UGGT2: variants seen among roughly 807,000 people sequenced by gnomAD.
The protein encoded by UGGT2 is UDP-glucose:glycoprotein glucosyltransferase 2.
Under a neutral mutation model 192.1 loss-of-function variants are expected in UGGT2, and 180 were observed. That is an observed-to-expected ratio of 0.94 (90% confidence interval 0.83 to 1.06). The LOEUF (loss-of-function observed/expected upper bound fraction) is 1.06, where lower values mean the gene tolerates loss of function less well. Among genes scored for constraint, UGGT2 ranks in the 50% least tolerant of loss-of-function variants. The probability of loss-of-function intolerance (pLI) is 0.00; values close to 1 mark genes in which losing one functional copy is unlikely to be tolerated. For missense variants in UGGT2, 1,849 were observed against 1,795.7 expected (o/e 1.03, Z -0.54); for synonymous variants, 580 against 591.0 (o/e 0.98, Z 0.27).
At chr13:96,007,303 A>C (rs1403917257) in intron 5 of UGGT2, among the ~76,000 whole-genome samples, 1 of 152,178 alleles carries the variant, frequency 6.6e-6, no homozygotes, top group African/African-American at 2.4e-5. Flanking sequence ...ACATACCTCA[A>C]AATAATTAAG....
intron 27 of UGGT2, among the ~76,000 whole-genome samples, chr13:95,880,817 T>G (rs1161556705): frequency 6.6e-6 from 1 of 152,158 alleles, no homozygotes; most frequent in Non-Finnish European, 1.5e-5. Context: ...TTACTAAGGT[T>G]AATCTCTACT....
chr13:95,970,844 TGAGGCGACTATTCA>T (rs2050750449), intron 11 of UGGT2, among the ~76,000 whole-genome samples: 1 of 152,240 alleles, frequency 6.6e-6, no homozygotes, highest in Admixed American at 6.5e-5. Context: ...AGTCTGTGGC[TGAGGCGACTATTCA>T]GAGGCAAAAA....
At chr13:95,827,279 A>C (rs1886145561) in intron 38 of UGGT2, among the ~76,000 whole-genome samples, 1 of 152,154 alleles carries the variant, frequency 6.6e-6, no homozygotes, top group Admixed American at 6.5e-5. Context: ...AAGAATTCTA[A>C]CTTCTGGTAT....
At chr13:95,810,040 T>G (rs1375739195) in intron 38 of UGGT2, among the ~76,000 whole-genome samples, 1 of 152,182 alleles carries the variant, frequency 6.6e-6, no homozygotes, top group Non-Finnish European at 1.5e-5. Flanking sequence ...TTTCATTTCT[T>G]TTTTCAATGG....
At chr13:96,011,857 AG>A (rs1281569705) in intron 5 of UGGT2, among the ~76,000 whole-genome samples, 2 of 152,118 alleles carry the variant, frequency 1.3e-5, no homozygotes, top group Non-Finnish European at 2.9e-5. Context: ...TAGAAGGCAA[AG>A]CTCAATATAT....
At chr13:95,866,191 C>T (rs560004679) in intron 30 of UGGT2, among the ~76,000 whole-genome samples, 3 of 152,202 alleles carry the variant, frequency 2.0e-5, no homozygotes, top group African/African-American at 7.2e-5. Flanking sequence ...TATTGTATTA[C>T]TCAGTTTCCA....
chr13:95,832,910 A>T lies in UGGT2; in HGVS notation c.4528+17T>A. Reference sequence around the variant, plus strand: ...TGCAACGCATGTTTCAGACATCACAACACGTTGATGACTTACTTGTATCTT... The same window carrying T: ...TGCAACGCATGTTTCAGACATCACATCACGTTGATGACTTACTTGTATCTT... On this transcript the variant is annotated intron_variant, in intron 38 of 38. Coordinates refer to ENST00000376747, the MANE Select transcript of UGGT2 (RefSeq NM_020121.4). 6.2e-7 allele frequency: 1 copy of T among 1,611,002 alleles called. No homozygotes were observed. Among genetic ancestry groups the T allele is most frequent in the Non-Finnish European group, 8.5e-7 (1 of 1,178,160 alleles).
intron 38 of UGGT2, among the ~76,000 whole-genome samples, chr13:95,808,436 T>A (rs1464242480): frequency 6.6e-6 from 1 of 152,030 alleles, no homozygotes; most frequent in Non-Finnish European, 1.5e-5. Flanking sequence ...AACAGGGAAA[T>A]TTCATCTTCA....
At chr13:95,951,577 TG>T (rs908134993) in intron 12 of UGGT2, among the ~76,000 whole-genome samples, 1 of 152,208 alleles carries the variant, frequency 6.6e-6, no homozygotes, top group African/African-American at 2.4e-5. Context: ...TAAAAGCAAG[TG>T]TGCCTAGACA....
intron 33 of UGGT2, 29 bp downstream of exon 33, chr13:95,859,561 AC>A (rs753038182): frequency 8.7e-6 from 13 of 1,495,232 alleles, no homozygotes; most frequent in Non-Finnish European, 1.2e-5. Context: ...TCAAACATTA[AC>A]CATTCTACAA....
At chr13:95,813,036 A>G (rs911431648) in intron 38 of UGGT2, among the ~76,000 whole-genome samples, 1 of 116,040 alleles carries the variant, frequency 8.6e-6, no homozygotes, top group African/African-American at 3.3e-5. Context: ...CATGAACCAT[A>G]AATCTCTTTA....
chr13:95,821,478 A>G (rs1885507726), intron 38 of UGGT2, among the ~76,000 whole-genome samples: 1 of 152,104 alleles, frequency 6.6e-6, no homozygotes, highest in African/African-American at 2.4e-5. Flanking sequence ...TCTGGATACT[A>G]GTCCTTTGTT....
intron 38 of UGGT2, among the ~76,000 whole-genome samples, chr13:95,829,815 T>C (rs1886464975): frequency 6.6e-6 from 1 of 152,210 alleles, no homozygotes; most frequent in South Asian, 2.1e-4. Context: ...ACAGCCTGCA[T>C]TGCCAAGACA....
chr13:95,886,347 A>C (rs1334360980), intron 26 of UGGT2, among the ~76,000 whole-genome samples: 1 of 152,228 alleles, frequency 6.6e-6, no homozygotes, highest in Middle Eastern at 3.2e-3. Context: ...TTGAACTACT[A>C]GTTAAAAAAA....
intron 17 of UGGT2, among the ~76,000 whole-genome samples, chr13:95,935,310 GTT>G (rs963475679): frequency 6.6e-6 from 1 of 152,160 alleles, no homozygotes; most frequent in Non-Finnish European, 1.5e-5. Context: ...ACTTAAGTGT[GTT>G]TTTGTACCAT....
At chr13:95,806,004 G>A (rs1275007306) in intron 38 of UGGT2, among the ~76,000 whole-genome samples, 1 of 131,968 alleles carries the variant, frequency 7.6e-6, no homozygotes, top group Non-Finnish European at 1.6e-5. Flanking sequence ...ATCTTGGACA[G>A]AGAGAACAGA....
intron 38 of UGGT2, among the ~76,000 whole-genome samples, chr13:95,825,633 T>G (rs1885959159): frequency 6.6e-6 from 1 of 152,140 alleles, no homozygotes; most frequent in South Asian, 2.1e-4. Context: ...TCAGCCACAC[T>G]GAGCTCCTGT....
intron 16 of UGGT2, among the ~76,000 whole-genome samples, chr13:95,938,314 A>G (rs1455995164): frequency 2.6e-5 from 4 of 152,210 alleles, no homozygotes; most frequent in African/African-American, 4.8e-5. Flanking sequence ...AAGGTCCTCA[A>G]CATTTGAATT....
At chr13:95,829,500 A>G (rs1430897973) in intron 38 of UGGT2, among the ~76,000 whole-genome samples, 1 of 152,236 alleles carries the variant, frequency 6.6e-6, no homozygotes, top group Non-Finnish European at 1.5e-5. Flanking sequence ...ATGTGCAGAA[A>G]TCACAAGCAT....
Sources: gnomAD v4.1 joint callset for allele counts (sites outside exome capture counted in the v4.1 genomes callset) on GRCh38, gnomAD v4.1.1 for gene constraint, MANE v1.5 for transcripts, NCBI Gene and HGNC (gene_info 2026-07-23, HGNC 2026-07-21) for gene names.